The following LARP1B variants were observed in gnomAD, a reference collection of about 807,000 sequenced individuals.
LARP1B encodes la-related protein 1B.
Under a neutral mutation model 114.2 loss-of-function variants are expected in LARP1B, and 76 were observed. The ratio of observed to expected loss-of-function variants is 0.67; its 90% CI spans 0.55 to 0.81. The LOEUF is 0.81. Among genes scored for constraint, LARP1B ranks in the 30% least tolerant of loss-of-function variants. LARP1B has a pLI of 0.00. For synonymous variants in LARP1B, 345 were observed against 348.0 expected (o/e 0.99, Z 0.10); for missense variants, 1,014 against 1,075.8 (o/e 0.94, Z 0.80).
chr4:128,078,471 C>G (rs748282031), intron 4 of LARP1B, among the ~76,000 whole-genome samples: 1 of 151,764 alleles, frequency 6.6e-6, no homozygotes, highest in East Asian at 1.9e-4. Context: ...CATCGTGTTG[C>G]GCACTTGTAG....
Position 128,211,638 on chromosome 4 carries a change from G to C in LARP1B, c.*1585G>C, listed in dbSNP as rs1440252717. On this transcript the variant is annotated 3_prime_UTR_variant, in exon 20 of 20. Transcript: ENST00000326639. ...AGATCTTCAAGTCTTTTCTTAAATG[G>C]GGTATGTAGTTCCAGCTTTTCAGTG... 1.0e-6 allele frequency: 1 copy of C among 981,918 alleles called. No homozygotes were observed. The highest frequency in any genetic ancestry group is 1.2e-6 in the Non-Finnish European group (1 of 826,956). 60.8% of individuals were successfully genotyped at this position (981,918 alleles called of 1,614,324 possible).
At position 128,112,726 on chromosome 4, in the gene LARP1B, G is replaced by A. The variant is rs573882225; in HGVS notation, c.989-1844G>A. Among the ~76,000 whole-genome samples the A allele has an allele frequency of 2.3e-4, 35 of 151,614 alleles. 1 individual carries two copies. In the East Asian group the frequency reaches 6.0e-3, roughly 26 times the overall value. ...TGACCTTAGGTGATCCGCCCACCTC[G>A]GCCCCCCAAAGTGCTGGGATTACAG... On this transcript the variant is annotated intron_variant, in intron 9 of 19. Transcript: ENST00000326639.
At chr4:128,073,676 C>T (rs1324148456) in intron 1 of LARP1B, among the ~76,000 whole-genome samples, 12 of 135,730 alleles carry the variant, frequency 8.8e-5, no homozygotes, top group Non-Finnish European at 1.4e-4. Context: ...CTGCAACCTC[C>T]ACCTCCCAGG....
At chr4:128,128,098 C>T (rs961860023) in intron 11 of LARP1B, among the ~76,000 whole-genome samples, 1 of 152,068 alleles carries the variant, frequency 6.6e-6, no homozygotes, top group Non-Finnish European at 1.5e-5. Context: ...GAAGTTGGGT[C>T]CCTCCCTATC....
At chr4:128,084,915 G>A (rs1772803320) in intron 5 of LARP1B, among the ~76,000 whole-genome samples, 1 of 152,060 alleles carries the variant, frequency 6.6e-6, no homozygotes, top group Non-Finnish European at 1.5e-5. Context: ...AGGTTGGAGT[G>A]CAGTGGCGTG....
intron 11 of LARP1B, among the ~76,000 whole-genome samples, chr4:128,143,612 A>C (rs1191160439): frequency 6.8e-6 from 1 of 148,120 alleles, no homozygotes; most frequent in Non-Finnish European, 1.5e-5. Context: ...TTGATAAACA[A>C]GAGAGAAGAA....
At chr4:128,083,770 C>A in intron 5 of LARP1B, among the ~76,000 whole-genome samples, 2 of 150,776 alleles carry the variant, frequency 1.3e-5, no homozygotes. Context: ...CCCCTCACCT[C>A]CTGGACGGGG....
intron 12 of LARP1B, among the ~76,000 whole-genome samples, chr4:128,167,718 G>A (rs1581217848): frequency 6.6e-6 from 1 of 152,070 alleles, no homozygotes; most frequent in Non-Finnish European, 1.5e-5. Flanking sequence ...ATGCAATCAT[G>A]TAAACACCAC....
intron 8 of LARP1B, among the ~76,000 whole-genome samples, chr4:128,101,636 C>T (rs183961596): frequency 1.4e-5 from 2 of 146,782 alleles, no homozygotes; most frequent in East Asian, 2.1e-4. Context: ...TATTTATTTA[C>T]TTATTTATTT....
At chr4:128,128,970 C>T (rs1160728982) in intron 11 of LARP1B, among the ~76,000 whole-genome samples, 1 of 151,910 alleles carries the variant, frequency 6.6e-6, no homozygotes, top group Admixed American at 6.6e-5. Flanking sequence ...CGAGACCACC[C>T]TGGCTAACAT....
intron 10 of LARP1B, among the ~76,000 whole-genome samples, chr4:128,121,348 G>A (rs1275639742): frequency 1.3e-5 from 2 of 152,020 alleles, no homozygotes. Context: ...ACAGAGTTTC[G>A]CTCTTGTCGC....
intron 7 of LARP1B, among the ~76,000 whole-genome samples, chr4:128,095,843 T>C (rs1777745352): frequency 6.6e-6 from 1 of 152,210 alleles, no homozygotes; most frequent in African/African-American, 2.4e-5. Context: ...CTCTGTGATT[T>C]GGAAATAGTG....
At chr4:128,133,760 G>A (rs1310547155) in intron 11 of LARP1B, among the ~76,000 whole-genome samples, 1 of 152,016 alleles carries the variant, frequency 6.6e-6, no homozygotes, top group African/African-American at 2.4e-5. Flanking sequence ...GCAGTGGTGC[G>A]ATCTCAGCTC....
chr4:128,207,891 T>C (rs1398376556), intron 19 of LARP1B, among the ~76,000 whole-genome samples: 1 of 152,258 alleles, frequency 6.6e-6, no homozygotes, highest in Non-Finnish European at 1.5e-5. Context: ...ATGTCCACTC[T>C]CATGCGTTCT....
At chr4:128,156,863 TAAAAAAA>T (rs56753518) in intron 11 of LARP1B, among the ~76,000 whole-genome samples, 2 of 80,776 alleles carry the variant, frequency 2.5e-5, no homozygotes, top group African/African-American at 5.0e-5. Context: ...GGCTTGAAGC[TAAAAAAA>T]AAAAAAAAAA....
intron 1 of LARP1B, among the ~76,000 whole-genome samples, chr4:128,065,307 TTCTTTCTTTCTCTCTC>T (rs1489566535): frequency 1.6e-4 from 16 of 101,510 alleles, no homozygotes; most frequent in South Asian, 9.9e-4. Flanking sequence ...CTTTCTTTCT[TTCTTTCTTTCTCTCTC>T]TCTCTCTCTT....
intron 1 of LARP1B, among the ~76,000 whole-genome samples, chr4:128,064,485 C>T (rs1761663120): frequency 6.6e-6 from 1 of 152,150 alleles, no homozygotes; most frequent in African/African-American, 2.4e-5. Context: ...TAATTCCTTC[C>T]TCGCTATAAA....
intron 12 of LARP1B, among the ~76,000 whole-genome samples, chr4:128,172,063 T>G (rs1397454275): frequency 6.6e-6 from 1 of 152,178 alleles, no homozygotes; most frequent in Non-Finnish European, 1.5e-5. Flanking sequence ...TCAGCTATTA[T>G]TTCCTCAAAA....
chr4:128,085,494 T>C (rs1773101512), intron 5 of LARP1B, among the ~76,000 whole-genome samples: 1 of 151,478 alleles, frequency 6.6e-6, no homozygotes. Context: ...GCTTCCCAAG[T>C]AGCTATGATG....
Sources: allele counts gnomAD v4.1 joint callset (sites outside exome capture counted in the v4.1 genomes callset), GRCh38; gene constraint gnomAD v4.1.1; transcripts MANE v1.5; gene names NCBI Gene and HGNC (gene_info 2026-07-23, HGNC 2026-07-21).